Variants in PHEX observed in about 807,000 individuals in gnomAD.
PHEX encodes the protein phosphate regulating endopeptidase X-linked.
A neutral mutation model predicts 68.0 loss-of-function variants in PHEX; 16 were observed. The ratio of observed to expected loss-of-function variants is 0.24; its 90% CI spans 0.16 to 0.36. The LOEUF is 0.36. Among genes scored for constraint, PHEX ranks in the 10% least tolerant of loss-of-function variants. The pLI is 1.00. For missense variants in PHEX, 480 were observed against 575.5 expected (o/e 0.83, Z 1.70); for synonymous variants, 208 against 205.1 (o/e 1.01, Z -0.12).
At chrX:22,201,555 C>T (rs1333083701) in intron 15 of PHEX, among the ~76,000 whole-genome samples, 2 of 110,469 alleles carry the variant, frequency 1.8e-5, no homozygotes, top group Non-Finnish European at 3.8e-5. Flanking sequence ...ATACAGACCC[C>T]CAGTTTCTGA....
chrX:22,227,070 C>G (rs1401944795), intron 19 of PHEX, among the ~76,000 whole-genome samples: 1 of 112,162 alleles, frequency 8.9e-6, no homozygotes, highest in East Asian at 2.8e-4. Flanking sequence ...CTGGTTATAT[C>G]CTTCCTATAT....
intron 2 of PHEX, among the ~76,000 whole-genome samples, chrX:22,044,469 T>C (rs1255892521): frequency 1.8e-5 from 2 of 111,475 alleles, no homozygotes; most frequent in Non-Finnish European, 3.8e-5. Flanking sequence ...CCCAGCACTT[T>C]GGGAGGCCAA....
intron 6 of PHEX, among the ~76,000 whole-genome samples, chrX:22,092,225 A>G (rs960319627): frequency 9.0e-6 from 1 of 111,575 alleles, no homozygotes; most frequent in African/African-American, 3.3e-5. Flanking sequence ...CTTTAATGTT[A>G]CAGTTCATAA....
At chrX:22,046,274 G>C (rs759547329) in intron 2 of PHEX, among the ~76,000 whole-genome samples, 11 of 112,021 alleles carry the variant, frequency 9.8e-5, no homozygotes, top group Middle Eastern at 9.1e-3. Context: ...GGCCTCTTAA[G>C]GCTTAGCTTT....
At chrX:22,097,114 T>A in intron 8 of PHEX, 76 bp downstream of exon 8, 1 of 740,568 alleles carries the variant, frequency 1.4e-6, no homozygotes, top group Non-Finnish European at 2.1e-6. Flanking sequence ...TCTGTGTAAA[T>A]TTGTGTCTTG....
chrX:22,033,599 GC>G (rs780693551), intron 1 of PHEX, among the ~76,000 whole-genome samples: 46 of 112,347 alleles, frequency 4.1e-4, no homozygotes, highest in African/African-American at 1.4e-3. Flanking sequence ...TTTAAAGTGT[GC>G]TTTTAATGAT....
intron 15 of PHEX, among the ~76,000 whole-genome samples, chrX:22,193,284 A>G (rs1206015322): frequency 9.0e-6 from 1 of 111,255 alleles, no homozygotes; most frequent in East Asian, 2.8e-4. Context: ...GGTACATGCA[A>G]AAGAACATGT....
chrX:22,139,670 G>A (rs1410146611), intron 12 of PHEX, among the ~76,000 whole-genome samples: 1 of 104,359 alleles, frequency 9.6e-6, no homozygotes, highest in African/African-American at 3.5e-5. Flanking sequence ...CTATAGGTGT[G>A]TGCCCCCACA....
At chrX:22,232,144 T>C (rs1347414656) in intron 20 of PHEX, among the ~76,000 whole-genome samples, 3 of 111,882 alleles carry the variant, frequency 2.7e-5, no homozygotes, top group Non-Finnish European at 5.6e-5. Flanking sequence ...CTGTTTGTTA[T>C]GATTTTCTTT....
At chrX:22,055,174 CAAAAAAA>C (rs111628195) in intron 3 of PHEX, among the ~76,000 whole-genome samples, 3 of 66,087 alleles carry the variant, frequency 4.5e-5, no homozygotes, top group African/African-American at 9.7e-5. Context: ...GACTCCAGCT[CAAAAAAA>C]AAAAAAAAAA....
At chrX:22,192,820 G>A (rs1015732096) in intron 15 of PHEX, among the ~76,000 whole-genome samples, 2 of 111,754 alleles carry the variant, frequency 1.8e-5, no homozygotes, top group Non-Finnish European at 3.8e-5. Flanking sequence ...CAGGACTCTG[G>A]TCAGAGGACA....
chrX:22,055,636 A>G (rs1928067460), intron 3 of PHEX, among the ~76,000 whole-genome samples: 1 of 110,776 alleles, frequency 9.0e-6, no homozygotes, highest in Admixed American at 9.6e-5. Flanking sequence ...ATCTCGGCTC[A>G]CCGCAACCTC....
At chrX:22,214,941 A>G (rs898881164) in intron 16 of PHEX, among the ~76,000 whole-genome samples, 2 of 111,553 alleles carry the variant, frequency 1.8e-5, no homozygotes, top group Admixed American at 1.9e-4. Context: ...CCCTGCTTTT[A>G]AGTTTAGAAA....
intron 11 of PHEX, among the ~76,000 whole-genome samples, chrX:22,128,279 T>C (rs1219492173): frequency 9.2e-6 from 1 of 109,253 alleles, no homozygotes. Flanking sequence ...GTCAGGCTGG[T>C]CTTGAACTCC....
chrX:22,098,728 G>A (rs1191816836), intron 8 of PHEX, among the ~76,000 whole-genome samples: 3 of 94,907 alleles, frequency 3.2e-5, no homozygotes, highest in African/African-American at 1.2e-4. Flanking sequence ...AACCCAGGAG[G>A]CAGAGGTAAC....
Position 22,094,041 on chromosome X carries a change from G to C in PHEX, c.791G>C (p.Ser264Thr). 8.3e-7 allele frequency: 1 copy of C among 1,204,362 alleles called. No homozygotes were observed. The highest frequency in any genetic ancestry group is 3.0e-5 in the East Asian group (1 of 33,655). Residue 264 changes from serine (S) to threonine (T), a missense_variant, in exon 7 of 22, where the codon AGT becomes ACT. Ser to Thr is a moderately conservative substitution (Grantham distance 58). Coordinates refer to ENST00000379374, the MANE Select transcript of PHEX (RefSeq NM_000444.6). ...VDTAVLLGAN[S>T]SRAEHDMKSV... Reference sequence around the variant, plus strand: ...ACTGCCGTGCTTTTAGGAGCTAACAGTTCCAGAGCAGAGCATGACATGAAG... The same window carrying C: ...ACTGCCGTGCTTTTAGGAGCTAACACTTCCAGAGCAGAGCATGACATGAAG...
At chrX:22,222,629 A>G (rs983790072) in intron 18 of PHEX, among the ~76,000 whole-genome samples, 1 of 111,975 alleles carries the variant, frequency 8.9e-6, no homozygotes, top group African/African-American at 3.2e-5. Flanking sequence ...CCAGGAAAAA[A>G]CAAAGCCAAA....
chrX:22,131,452 T>G (rs1159773617), intron 11 of PHEX, among the ~76,000 whole-genome samples: 1 of 112,867 alleles, frequency 8.9e-6, no homozygotes, highest in African/African-American at 3.2e-5. Context: ...TAGCAGTTTG[T>G]GTTTTATCCC....
intron 20 of PHEX, among the ~76,000 whole-genome samples, chrX:22,229,294 C>T (rs1408614492): frequency 2.7e-5 from 3 of 111,819 alleles, no homozygotes; most frequent in Non-Finnish European, 5.6e-5. Flanking sequence ...ATTTCTGGTT[C>T]TAGATCCTTG....
Sources: allele counts gnomAD v4.1 joint callset (sites outside exome capture counted in the v4.1 genomes callset), GRCh38; gene constraint gnomAD v4.1.1; transcripts MANE v1.5; gene names NCBI Gene and HGNC (gene_info 2026-07-23, HGNC 2026-07-21).